The following BANP variants were observed in gnomAD, a reference collection of about 807,000 sequenced individuals.
The protein encoded by BANP is protein BANP.
A neutral mutation model predicts 68.1 loss-of-function variants in BANP; 11 were observed. The ratio of observed to expected loss-of-function variants is 0.16; its 90% CI spans 0.10 to 0.27. The LOEUF is 0.27. Among genes scored for constraint, BANP ranks in the 10% least tolerant of loss-of-function variants. The pLI is 1.00. For synonymous variants in BANP, 329 were observed against 303.2 expected (o/e 1.09, Z -0.88); for missense variants, 504 against 722.7 (o/e 0.70, Z 3.47).
chr16:88,006,941 C>CGATA (rs2071362690), intron 6 of BANP, among the ~76,000 whole-genome samples: 2 of 101,780 alleles, frequency 2.0e-5, no homozygotes, highest in South Asian at 7.8e-4. Context: ...GTCAGAGACT[C>CGATA]TGTCTCAAAA....
In BANP at chr16:88,004,499, T is replaced by C; in HGVS notation, c.479+88T>C. ...TCAACGTCCCTAAGCCAGGGCACAGTCCAGCACACGCTTCATCTCTGTGGT... is the reference window on the plus strand; with the variant it reads ...TCAACGTCCCTAAGCCAGGGCACAGCCCAGCACACGCTTCATCTCTGTGGT... On this transcript the variant is annotated intron_variant, in intron 5 of 13. Coordinates refer to ENST00000682872, the MANE Select transcript of BANP (RefSeq NM_001386991.1). The surrounding 1 kb of genome is among the most constrained non-coding windows in gnomAD (Gnocchi z 7.0). 1 of 734,076 alleles carries C rather than the reference T, an allele frequency of 1.4e-6. No homozygotes were observed. Among genetic ancestry groups the C allele is most frequent in the South Asian group, 1.9e-5 (1 of 53,672 alleles). 45.5% of individuals were successfully genotyped at this position (734,076 alleles called of 1,614,324 possible).
At chr16:87,995,347 T>G (rs2066910442) in intron 4 of BANP, among the ~76,000 whole-genome samples, 1 of 152,208 alleles carries the variant, frequency 6.6e-6, no homozygotes, top group African/African-American at 2.4e-5. Flanking sequence ...TCAAACCAGT[T>G]TCTTCTTTTA....
Position 88,057,411 on chromosome 16 carries a change from G to A in BANP, c.1312-7856G>A, listed in dbSNP as rs530996378. 2.6e-5 allele frequency among the ~76,000 whole-genome samples: 4 copies of A among 152,278 alleles called. No individual in the cohort carries two copies. Among genetic ancestry groups the A allele is most frequent in the Non-Finnish European group, 1.5e-5 (1 of 68,018 alleles). ...TGCACCAGGATTCCTGGCCTCCAGA[G>A]GAAGGATGGTGGCTGAAGGTGAGCC... On this transcript the variant is annotated intron_variant, in intron 11 of 13. Coordinates refer to ENST00000682872, the MANE Select transcript of BANP (RefSeq NM_001386991.1). This position sits in a 1 kb window ranked among gnomAD's most constrained non-coding sequence, Gnocchi z 4.6.
chr16:88,005,753 C>T (rs79866530), intron 5 of BANP, among the ~76,000 whole-genome samples: 7,520 of 152,278 alleles, frequency 0.049, 582 homozygotes, highest in African/African-American at 0.17. Context: ...CCTTTAACCT[C>T]GCCGGAAAAA....
At chr16:88,056,634 G>A (rs1283543174) in intron 11 of BANP, among the ~76,000 whole-genome samples, 1 of 152,150 alleles carries the variant, frequency 6.6e-6, no homozygotes, top group Admixed American at 6.5e-5. Context: ...CACGCTTCAC[G>A]CTGGCCCCTG....
intron 4 of BANP, among the ~76,000 whole-genome samples, chr16:87,992,280 C>T (rs981866125): frequency 4.6e-5 from 7 of 152,102 alleles, no homozygotes; most frequent in Non-Finnish European, 5.9e-5. Flanking sequence ...AGAGTTTTTG[C>T]GTCTGTGTTT....
chr16:88,009,878 C>T (rs2072532296), intron 6 of BANP, among the ~76,000 whole-genome samples: 1 of 151,690 alleles, frequency 6.6e-6, no homozygotes, highest in Non-Finnish European at 1.5e-5. Context: ...TAGACTGTGT[C>T]TCATTAGAAT....
At chr16:88,035,774 C>G (rs912015624) in intron 10 of BANP, among the ~76,000 whole-genome samples, 1 of 152,244 alleles carries the variant, frequency 6.6e-6, no homozygotes, top group Non-Finnish European at 1.5e-5. Flanking sequence ...TGACATACCC[C>G]CTCACCTGCC....
rs1373824163 is a variant in BANP at position 87,975,067 on chromosome 16, A to T, written c.-49A>T. On this transcript the variant is annotated 5_prime_UTR_variant, in exon 2 of 14. Coordinates refer to ENST00000682872, the MANE Select transcript of BANP (RefSeq NM_001386991.1). ...TGGTAGGTGACCAAAAGCCAGCCCC[A>T]CTGTGAGTTGAACTCTTTCGTGTTG... 3 of 1,551,094 alleles carry T rather than the reference A, an allele frequency of 1.9e-6. No individual in the cohort carries two copies. The highest frequency in any genetic ancestry group is 1.4e-5 in the African/African-American group (1 of 73,552).
intron 1 of BANP, among the ~76,000 whole-genome samples, chr16:87,961,044 A>T (rs1480975809): frequency 1.3e-5 from 2 of 152,180 alleles, no homozygotes; most frequent in African/African-American, 4.8e-5. Context: ...GAGCTGCCTA[A>T]CTCGGTGAAG....
At chr16:88,030,443 C>G (rs185018708) in intron 8 of BANP, among the ~76,000 whole-genome samples, 4 of 152,174 alleles carry the variant, frequency 2.6e-5, no homozygotes, top group African/African-American at 9.7e-5. Context: ...CCATGTGTTT[C>G]GGGTACGTGC....
At chr16:87,986,603 G>A (rs987525407) in intron 4 of BANP, among the ~76,000 whole-genome samples, 1 of 152,318 alleles carries the variant, frequency 6.6e-6, no homozygotes, top group Non-Finnish European at 1.5e-5. Context: ...CTCCTCTGGG[G>A]CTGCTTTGGC....
rs1336150252 is a variant in BANP, at chr16:88,071,449, C to T, written c.1378-620C>T. ...GCCTGTCCCCCATTCTCATTCCATA[C>T]TCTGGGAGGCGGTACAAGGTCGGGA... On this transcript the variant is annotated intron_variant, in intron 12 of 13. Coordinates refer to ENST00000682872, the MANE Select transcript of BANP (RefSeq NM_001386991.1). The surrounding 1 kb of genome is among the most constrained non-coding windows in gnomAD (Gnocchi z 6.5). 2 of 456,278 alleles carry T rather than the reference C, an allele frequency of 4.4e-6. No homozygotes were observed. Among genetic ancestry groups the T allele is most frequent in the South Asian group, 3.1e-5 (2 of 64,550 alleles). The allele number at this position is 456,278 out of a possible 1,614,324, so 28.3% of individuals were successfully genotyped here. A position where few individuals can be genotyped will look rare whatever the true frequency, so the allele number is the denominator to read the frequency against.
intron 4 of BANP, among the ~76,000 whole-genome samples, chr16:88,001,238 G>A (rs1232261986): frequency 1.6e-5 from 2 of 126,352 alleles, no homozygotes; most frequent in African/African-American, 3.3e-5. Context: ...CTCCATGCAC[G>A]CACGTGCGCG....
intron 1 of BANP, among the ~76,000 whole-genome samples, chr16:87,972,864 G>A (rs1790189726): frequency 6.6e-6 from 1 of 152,234 alleles, no homozygotes; most frequent in South Asian, 2.1e-4. Context: ...GTTTTGAGAG[G>A]GCTTGGGGTC....
At chr16:88,048,406 A>C (rs557912219) in intron 11 of BANP, among the ~76,000 whole-genome samples, 2 of 152,310 alleles carry the variant, frequency 1.3e-5, no homozygotes, top group East Asian at 3.9e-4. Context: ...AGAAGAAAGG[A>C]CGTCCATTCT....
At position 87,973,768 on chromosome 16, in the gene BANP, A is replaced by AAGAAAGAAAG. The variant is rs1555544110; in HGVS notation, c.-68-1279_-68-1278insGAAAGAAAGA. Among the ~76,000 whole-genome samples, 18 of 104,948 alleles carry AAGAAAGAAAG rather than the reference A, an allele frequency of 1.7e-4. No homozygotes were observed. The South Asian group carries it at 4.5e-3, about 26-fold the overall frequency. The allele number at this position is 104,948 out of a possible 152,430, so 68.8% of individuals were successfully genotyped here. ...AACTCCATCACAAAAAAAAAAAAAA[A>AAGAAAGAAAG]AAAAAAGAAAAAAGAAAAAAATTCT... On this transcript the variant is annotated intron_variant, in intron 1 of 13. Transcript: ENST00000682872.
chr16:87,950,688 G>C (rs2144205688), upstream of BANP: 1 of 152,342 alleles, frequency 6.6e-6, no homozygotes, highest in East Asian at 1.9e-4. Flanking sequence ...CGCCCGCCTT[G>C]GCCTCCCACA....
intron 6 of BANP, among the ~76,000 whole-genome samples, chr16:88,007,765 C>A (rs1368869963): frequency 6.6e-6 from 1 of 152,088 alleles, no homozygotes; most frequent in African/African-American, 2.4e-5. Context: ...ACAATGTCTT[C>A]CACAAAAATT....
Sources: allele counts gnomAD v4.1 joint callset (sites outside exome capture counted in the v4.1 genomes callset), GRCh38; gene constraint gnomAD v4.1.1; non-coding constraint Gnocchi (gnomAD v3.1); transcripts MANE v1.5; gene names NCBI Gene and HGNC (gene_info 2026-07-23, HGNC 2026-07-21).